DGLUCY: variants seen among roughly 807,000 people sequenced by gnomAD.
The protein encoded by DGLUCY is D-glutamate cyclase.
In DGLUCY, 58 loss-of-function variants were observed where a neutral mutation model predicts 58.5. The observed-to-expected ratio is 0.99, with a 90% CI of 0.80 to 1.23. The LOEUF (loss-of-function observed/expected upper bound fraction) is 1.23. Among genes scored for constraint, DGLUCY ranks in the 50% most tolerant of loss-of-function variants. The pLI is 0.00. For synonymous variants in DGLUCY, 325 were observed against 314.1 expected, an observed-to-expected ratio of 1.03 and a Z score of -0.37; for missense variants, 779 against 784.7, an observed-to-expected ratio of 0.99 and a Z score of 0.09.
chr14:91,083,540 ACAG>A lies in DGLUCY; in HGVS notation c.-82+22837_-82+22839del, dbSNP rs1386811665. On this transcript the variant is annotated intron_variant, in intron 1 of 4. Transcript: ENST00000521334. ...TCCGTCTCAAAAAAAAAAAAAAAAA[ACAG>A]AGAGAACGATCCGTAAAAGAGCGAG... is the stretch of plus-strand genomic sequence containing the variant. Among the ~76,000 whole-genome samples, 462 of 150,540 alleles carry A rather than the reference ACAG, an allele frequency of 3.1e-3. 4 individuals carry two copies. Among genetic ancestry groups the A allele is most frequent in the African/African-American group, 0.011 (440 of 40,632 alleles).
intron 3 of DGLUCY, among the ~76,000 whole-genome samples, chr14:91,166,195 G>GT (rs2048272771): frequency 2.6e-5 from 4 of 152,306 alleles, no homozygotes; most frequent in Middle Eastern, 6.8e-3. Context: ...GGTTACATGG[G>GT]TGCATTCATT....
chr14:91,188,602 G>C (rs1260847114), intron 8 of DGLUCY, among the ~76,000 whole-genome samples: 1 of 152,214 alleles, frequency 6.6e-6, no homozygotes, highest in Non-Finnish European at 1.5e-5. Context: ...AAGGTGGGAA[G>C]ATTGCTTGAG....
chr14:91,188,700 C>T (rs1052570081), intron 8 of DGLUCY, among the ~76,000 whole-genome samples: 3 of 151,960 alleles, frequency 2.0e-5, no homozygotes, highest in African/African-American at 2.4e-5. Context: ...TGTGGTGGCG[C>T]GTGCCTGTAG....
At chr14:91,128,507 A>G (rs2140183456) in intron 1 of DGLUCY, among the ~76,000 whole-genome samples, 1 of 152,052 alleles carries the variant, frequency 6.6e-6, no homozygotes, top group East Asian at 1.9e-4. Context: ...CCAAAAAAAT[A>G]AAATAAAACA....
chr14:91,191,031 C>T (rs1402478937), intron 9 of DGLUCY, among the ~76,000 whole-genome samples: 2 of 152,132 alleles, frequency 1.3e-5, no homozygotes, highest in South Asian at 2.1e-4. Context: ...CACACTGACC[C>T]GATGGGACCC....
intron 1 of DGLUCY, among the ~76,000 whole-genome samples, chr14:91,131,293 C>G (rs1332498318): frequency 6.6e-6 from 1 of 152,118 alleles, no homozygotes; most frequent in African/African-American, 2.4e-5. Flanking sequence ...AATGCTTTTG[C>G]ATTTTATTTA....
At chr14:91,192,843 G>A (rs2049981417) in intron 9 of DGLUCY, among the ~76,000 whole-genome samples, 1 of 152,168 alleles carries the variant, frequency 6.6e-6, no homozygotes, top group African/African-American at 2.4e-5. Flanking sequence ...TGAATTTTGT[G>A]TTGCACGTAT....
intron 7 of DGLUCY, among the ~76,000 whole-genome samples, chr14:91,178,591 C>T (rs954603096): frequency 8.5e-5 from 13 of 152,188 alleles, no homozygotes; most frequent in African/African-American, 2.9e-4. Flanking sequence ...TTGGAGTGAC[C>T]AGTTTTAGGT....
chr14:91,197,923 A>C (rs767701710), intron 10 of DGLUCY, among the ~76,000 whole-genome samples: 1 of 152,244 alleles, frequency 6.6e-6, no homozygotes, highest in Non-Finnish European at 1.5e-5. Context: ...AAATTGCTGG[A>C]TCATATGGTA....
intron 1 of DGLUCY, among the ~76,000 whole-genome samples, chr14:91,086,721 A>G (rs1595625060): frequency 6.6e-6 from 1 of 152,200 alleles, no homozygotes; most frequent in Non-Finnish European, 1.5e-5. Flanking sequence ...AGGGCTAGAC[A>G]CTCAATAAAC....
intron 5 of DGLUCY, among the ~76,000 whole-genome samples, chr14:91,172,791 C>T (rs894010399): frequency 2.0e-5 from 3 of 152,154 alleles, no homozygotes; most frequent in East Asian, 1.9e-4. Context: ...GGACTAGAGG[C>T]GCGTGCCACC....
chr14:91,071,728 C>T (rs1490853254), intron 1 of DGLUCY, among the ~76,000 whole-genome samples: 4 of 151,556 alleles, frequency 2.6e-5, no homozygotes, highest in East Asian at 2.0e-4. Flanking sequence ...ATTAGTTGGG[C>T]GTGGTGGTGG....
At chr14:91,111,218 G>C (rs1301068317), upstream of DGLUCY, among the ~76,000 whole-genome samples, 7 of 110,786 alleles carry the variant, frequency 6.3e-5, no homozygotes, top group African/African-American at 2.5e-4. Context: ...GTGTGTGTGT[G>C]TGTGTGTGTG....
chr14:91,080,216 A>G (rs1052700041), intron 1 of DGLUCY, among the ~76,000 whole-genome samples: 70 of 151,948 alleles, frequency 4.6e-4, no homozygotes, highest in African/African-American at 1.6e-3. Flanking sequence ...GATTGTTTCT[A>G]CCTTTTGACT....
chr14:91,141,553 A>ATTTT lies in DGLUCY; in HGVS notation c.-81-16072_-81-16069dup, dbSNP rs71120118. ...ATACAATGGATACTCAGAGAGGTTA[A>ATTTT]TTTTTTTTTTTTTTTTTGAAGCGGA... On this transcript the variant is annotated intron_variant, in intron 1 of 13. Transcript: ENST00000256324. Among the ~76,000 whole-genome samples the ATTTT allele has an allele frequency of 4.3e-5, 6 of 138,110 alleles. 1 individual carries two copies. The highest frequency in any genetic ancestry group is 4.6e-5 in the Non-Finnish European group (3 of 65,422). The allele number at this position is 138,110 out of a possible 152,430, so 90.6% of individuals were successfully genotyped here.
At chr14:91,146,034 G>C (rs1305229353) in intron 1 of DGLUCY, among the ~76,000 whole-genome samples, 1 of 152,052 alleles carries the variant, frequency 6.6e-6, no homozygotes, top group African/African-American at 2.4e-5. Flanking sequence ...ACCATGCCTA[G>C]CTAATTTTTG....
At position 91,170,029 on chromosome 14, in the gene DGLUCY, A is replaced by G; in HGVS notation, c.284A>G (p.Tyr95Cys). 6.2e-7 allele frequency: 1 copy of G among 1,612,226 alleles called. No homozygotes were observed. Among genetic ancestry groups the G allele is most frequent in the South Asian group, 1.1e-5 (1 of 91,002 alleles). ...TRMGHPQFWK[Y>C]EFGACTGSLA... ...ATGGGCCATCCCCAGTTCTGGAAAT[A>G]CGAGTTCGGTGCCTGCACCGGCAGC... is the stretch of plus-strand genomic sequence containing the variant. Residue 95 changes from tyrosine (Y) to cysteine (C), a missense_variant, in exon 5 of 14, where the codon TAC becomes TGC. Transcript: ENST00000256324.
intron 1 of DGLUCY, among the ~76,000 whole-genome samples, chr14:91,149,233 G>A (rs2047176701): frequency 6.7e-6 from 1 of 150,106 alleles, no homozygotes; most frequent in Non-Finnish European, 1.5e-5. Flanking sequence ...GGCAACAAGA[G>A]CGAAACTCTA....
intron 4 of DGLUCY, among the ~76,000 whole-genome samples, chr14:91,168,568 G>A (rs112988206): frequency 6.6e-6 from 1 of 152,168 alleles, no homozygotes. Context: ...CCCCCAGTGG[G>A]CTTTCCACGT....
Sources: allele counts gnomAD v4.1 joint callset (sites outside exome capture counted in the v4.1 genomes callset), GRCh38; gene constraint gnomAD v4.1.1; transcripts MANE v1.5; gene names NCBI Gene and HGNC (gene_info 2026-07-23, HGNC 2026-07-21).